ABCA13: variants seen among roughly 807,000 people sequenced by gnomAD.
The protein encoded by ABCA13 is ATP binding cassette subfamily A member 13.
Under a neutral mutation model 478.7 loss-of-function variants are expected in ABCA13, and 476 were observed. The observed-to-expected ratio is 0.99, with a 90% CI of 0.92 to 1.07. The LOEUF is 1.07. Ranked by LOEUF, ABCA13 falls within the 50% of genes least tolerant of loss-of-function variation. The pLI is 0.00. For synonymous variants in ABCA13, 2,252 were observed against 2,158.9 expected (o/e 1.04, Z -1.20); for missense variants, 6,060 against 5,910.6 (o/e 1.03, Z -0.83).
intron 31 of ABCA13, among the ~76,000 whole-genome samples, chr7:48,356,074 C>A (rs1323718379): frequency 1.3e-5 from 2 of 151,892 alleles, no homozygotes; most frequent in East Asian, 1.9e-4. Flanking sequence ...GAGAAAGTAT[C>A]ATTGAGGCAG....
rs1796143637 is a variant in ABCA13 at position 48,275,243 on chromosome 7, T to C, written c.5577T>C (p.Leu1859=). 1 of 1,613,900 alleles carries C rather than the reference T, an allele frequency of 6.2e-7. No homozygotes were observed. The change falls in exon 17 of 62, where the codon CTT becomes CTC. Residue 1859 remains leucine, a synonymous_variant. Coordinates refer to ENST00000435803, the MANE Select transcript of ABCA13 (RefSeq NM_152701.5). ...SSFYGKVASI[L]DHFHLSPQGE... is the part of the protein sequence containing the mutation. Reference sequence around the variant, plus strand: ...TTTATGGCAAAGTGGCCAGTATACTTGATCATTTCCACCTGTCTCCCCAAG... The same window carrying C: ...TTTATGGCAAAGTGGCCAGTATACTCGATCATTTCCACCTGTCTCCCCAAG...
At chr7:48,176,861 G>A (rs953958816) in intron 1 of ABCA13, among the ~76,000 whole-genome samples, 1 of 152,172 alleles carries the variant, frequency 6.6e-6, no homozygotes, top group African/African-American at 2.4e-5. Flanking sequence ...CTTTTAAGAT[G>A]TAAAGAAACA....
At position 48,274,941 on chromosome 7, in the gene ABCA13, G is replaced by A; in HGVS notation, c.5275G>A (p.Gly1759Arg). ...TCCTCATGCTGTAAGGCTCCTGCAG[G>A]GAGTACCTGGTAAAAACATCACTGA... ...VLPHAVRLLQ[G>R]VPGKNITEGL... The change falls in exon 17 of 62, where the codon GGA (glycine) becomes AGA (arginine). Residue 1759 changes from glycine to arginine, a missense_variant. Gly to Arg is a moderately radical substitution (Grantham distance 125). Coordinates refer to ENST00000435803, the MANE Select transcript of ABCA13 (RefSeq NM_152701.5). 1 of 1,613,728 alleles carries A rather than the reference G, an allele frequency of 6.2e-7. No individual in the cohort carries two copies. The highest frequency in any genetic ancestry group is 8.5e-7 in the Non-Finnish European group (1 of 1,179,716).
intron 59 of ABCA13, among the ~76,000 whole-genome samples, chr7:48,624,223 T>C (rs544902465): frequency 3.2e-4 from 48 of 152,168 alleles, no homozygotes; most frequent in African/African-American, 1.1e-3. Flanking sequence ...CATCCTCAAA[T>C]CCTCTGCATG....
At chr7:48,621,622 C>A (rs1793142564) in intron 59 of ABCA13, among the ~76,000 whole-genome samples, 1 of 152,166 alleles carries the variant, frequency 6.6e-6, no homozygotes, top group African/African-American at 2.4e-5. Context: ...TCTAGATCTT[C>A]TTGTTATAGT....
At chr7:48,487,422 A>T (rs536348003) in intron 47 of ABCA13, among the ~76,000 whole-genome samples, 7 of 152,004 alleles carry the variant, frequency 4.6e-5, no homozygotes, top group African/African-American at 1.7e-4. Context: ...CTGTCTTTCC[A>T]GCTCCATTCA....
At chr7:48,184,752 G>A (rs1246110538) in intron 1 of ABCA13, among the ~76,000 whole-genome samples, 6 of 152,160 alleles carry the variant, frequency 3.9e-5, no homozygotes, top group South Asian at 2.1e-4. Flanking sequence ...TCTGGGAGGC[G>A]GAGATTGCGG....
chr7:48,549,814 AGT>A (rs141730506), intron 55 of ABCA13, among the ~76,000 whole-genome samples: 2,578 of 152,042 alleles, frequency 0.017, 75 homozygotes, highest in Non-Finnish European at 0.025. Flanking sequence ...TCTAAGGATC[AGT>A]GATGTTGAGC....
At chr7:48,426,813 C>G (rs1258104427) in intron 41 of ABCA13, among the ~76,000 whole-genome samples, 1 of 152,292 alleles carries the variant, frequency 6.6e-6, no homozygotes, top group African/African-American at 2.4e-5. Context: ...CTGCATGCTT[C>G]CAGAGTCTGT....
At chr7:48,507,426 A>G (rs1459215189) in intron 49 of ABCA13, among the ~76,000 whole-genome samples, 1 of 152,210 alleles carries the variant, frequency 6.6e-6, no homozygotes, top group South Asian at 2.1e-4. Context: ...TCTTGTTGGT[A>G]TTTCATGTGA....
chr7:48,202,980 A>T (rs1330336232), intron 3 of ABCA13, among the ~76,000 whole-genome samples: 1 of 152,154 alleles, frequency 6.6e-6, no homozygotes, highest in African/African-American at 2.4e-5. Flanking sequence ...CTCGTCGGGG[A>T]GGCTTGGGCT....
chr7:48,269,070 AG>A lies in ABCA13; in HGVS notation c.2097del (p.Lys699AsnfsTer11), dbSNP rs1317021269. ...NYFQFLNNLL[K>X]SPTASISRAL... is the part of the protein sequence containing the mutation. ...TTTCAATTTTTGAATAACTTACTCA[AG>A]TCTCCAACAGCTTCCATATCCAGGT... On this transcript the variant is annotated frameshift_variant, in exon 16 of 62. Coordinates refer to ENST00000435803, the MANE Select transcript of ABCA13 (RefSeq NM_152701.5). LOFTEE classifies it high-confidence loss of function. 6.3e-7 allele frequency: 1 copy of A among 1,576,180 alleles called. No homozygotes were observed. Among genetic ancestry groups the A allele is most frequent in the Non-Finnish European group, 8.7e-7 (1 of 1,147,178 alleles).
At chr7:48,621,164 T>C (rs1793091042) in intron 59 of ABCA13, among the ~76,000 whole-genome samples, 2 of 151,022 alleles carry the variant, frequency 1.3e-5, no homozygotes, top group South Asian at 4.2e-4. Flanking sequence ...GATTCTTCCT[T>C]TTTCCTTGAG....
chr7:48,427,382 CA>C (rs1158079228), intron 41 of ABCA13, among the ~76,000 whole-genome samples: 2 of 152,304 alleles, frequency 1.3e-5, no homozygotes, highest in African/African-American at 4.8e-5. Context: ...CTGAGCATTG[CA>C]ATTTTATTGT....
chr7:48,490,591 A>G (rs1829751459), intron 48 of ABCA13, among the ~76,000 whole-genome samples: 1 of 151,804 alleles, frequency 6.6e-6, no homozygotes, highest in Non-Finnish European at 1.5e-5. Flanking sequence ...AATGAGCAGA[A>G]GTTTGACTGA....
chr7:48,575,700 ACT>A (rs1324809831), intron 55 of ABCA13, among the ~76,000 whole-genome samples: 1 of 152,082 alleles, frequency 6.6e-6, no homozygotes, highest in Non-Finnish European at 1.5e-5. Flanking sequence ...TGAAACAAAA[ACT>A]CTACTGAAAA....
In ABCA13 at chr7:48,279,142, G is replaced by C; in HGVS notation, c.7948G>C (p.Glu2650Gln). 1 of 1,607,124 alleles carries C rather than the reference G, an allele frequency of 6.2e-7. No homozygotes were observed. Among genetic ancestry groups the C allele is most frequent in the Non-Finnish European group, 8.5e-7 (1 of 1,177,068 alleles). ...TTTAACATCTGTGAAAATGAACTTG[G>C]AAGATATGAGGAGTCTTGCGGTAGC... ...EFLTSVKMNL[E>Q]DMRSLAVAFN... Residue 2650 changes from glutamate (E) to glutamine (Q), a missense_variant, in exon 18 of 62, where the codon GAA becomes CAA. Glu to Gln is a conservative substitution (Grantham distance 29, BLOSUM62 2). This residue lies in a region of ABCA13 where 4,423 missense variants were observed against 4,309.1 expected (regional missense o/e 1.03). Transcript: ENST00000435803.
chr7:48,524,582 A>G (rs750171848), intron 54 of ABCA13, 142 bp downstream of exon 54: 25 of 720,736 alleles, frequency 3.5e-5, no homozygotes, highest in Non-Finnish European at 5.4e-5. Flanking sequence ...CAAAATCAGT[A>G]GGAGCAGAAC....
At chr7:48,438,992 A>G (rs929115649) in intron 42 of ABCA13, among the ~76,000 whole-genome samples, 11 of 151,186 alleles carry the variant, frequency 7.3e-5, no homozygotes, top group African/African-American at 2.7e-4. Context: ...ATTTCAAGTT[A>G]CCCTTACTTT....
Sources: gnomAD v4.1 joint callset for allele counts (sites outside exome capture counted in the v4.1 genomes callset) on GRCh38, gnomAD v4.1.1 for gene constraint, gnomAD v4.1.1 regional missense constraint, MANE v1.5 for transcripts, NCBI Gene and HGNC (gene_info 2026-07-23, HGNC 2026-07-21) for gene names.